Variants in ISLR2 observed in about 807,000 individuals in gnomAD.
The protein encoded by ISLR2 is immunoglobulin superfamily containing leucine rich repeat 2.
Under a neutral mutation model 25.5 loss-of-function variants are expected in ISLR2, and 16 were observed. That is an observed-to-expected ratio of 0.63 (90% CI 0.43 to 0.95). The LOEUF (loss-of-function observed/expected upper bound fraction) is 0.95, where lower values mean the gene tolerates loss of function less well. ISLR2 is among the 40% of genes least tolerant of loss of function. The probability of loss-of-function intolerance (pLI) is 0.00; values close to 1 mark genes in which losing one functional copy is unlikely to be tolerated. For synonymous variants in ISLR2, 508 were observed against 486.6 expected (o/e 1.04, Z -0.58); for missense variants, 883 against 1,030.7 (o/e 0.86, Z 1.96).
chr15:74,136,460 G>T lies in ISLR2; in HGVS notation c.*1468G>T, dbSNP rs890238556. The T allele has an allele frequency of 1.8e-5, 3 of 165,718 alleles. No homozygotes were observed. The highest frequency in any genetic ancestry group is 4.4e-5 in the Non-Finnish European group (3 of 68,180). The allele number at this position is 165,718 out of a possible 1,614,324, so 10.3% of individuals were successfully genotyped here. A position where few individuals can be genotyped will look rare whatever the true frequency, so the allele number is the denominator to read the frequency against. ...CCGCCCCACCCGCCCCTGCTTCGGC[G>T]GGAATCGTGTTTGCCCGGCGTGTAG... On this transcript the variant is annotated 3_prime_UTR_variant, in exon 3 of 3. Transcript: ENST00000453268.
Position 74,133,256 on chromosome 15 carries a change from G to A in ISLR2, c.502G>A (p.Asp168Asn), listed in dbSNP as rs368024378. The change falls in exon 3 of 3, where the codon GAC becomes AAC. Residue 168 changes from aspartate to asparagine, a missense_variant. By Grantham distance (23) the Asp-to-Asn change is conservative. Transcript: ENST00000453268. The part of the protein sequence containing the change: ...RLRTLAPGTF[D>N]ALSALSHLQL... ...GCGTACGCTGGCGCCTGGCACCTTC[G>A]ACGCGCTTAGCGCGCTGTCACACTT... is the stretch of plus-strand genomic sequence containing the variant. 1.2e-6 allele frequency: 2 copies of A among 1,611,624 alleles called. No homozygotes were observed. Among genetic ancestry groups the A allele is most frequent in the East Asian group, 2.2e-5 (1 of 44,890 alleles).
At chr15:74,138,063 C>T (rs763702322), downstream of ISLR2, among the ~76,000 whole-genome samples, 23 of 152,014 alleles carry the variant, frequency 1.5e-4, no homozygotes, top group Non-Finnish European at 3.1e-4. Flanking sequence ...TGCTTTGTTC[C>T]CTGATCCTTT....
rs1323314390 is a variant in ISLR2, at chr15:74,134,546, G to A, written c.1792G>A (p.Val598Ile). 4 of 1,614,020 alleles carry A rather than the reference G, an allele frequency of 2.5e-6. No individual in the cohort carries two copies. The highest frequency in any genetic ancestry group is 3.3e-5 in the Admixed American group (2 of 60,016). ...GCTGCTGGTCATAGTGGCAGTGAGC[G>A]TATTCCTCCTGGTGCTGGCCACAGT... is the stretch of plus-strand genomic sequence containing the variant. Reference protein sequence around the residue: ...PSLLVIVAVSVFLLVLATVPL... With the variant: ...PSLLVIVAVSIFLLVLATVPL... Residue 598 changes from valine (V) to isoleucine (I), a missense_variant, in exon 3 of 3, where the codon GTA (valine) becomes ATA (isoleucine). Physicochemically the swap from Val to Ile is conservative, Grantham distance 29 (BLOSUM62 3). Coordinates refer to ENST00000453268, the MANE Select transcript of ISLR2 (RefSeq NM_020851.3).
intron 2 of ISLR2, among the ~76,000 whole-genome samples, chr15:74,111,698 G>A (rs892837735): frequency 3.9e-5 from 6 of 151,932 alleles, no homozygotes; most frequent in Admixed American, 1.3e-4. Flanking sequence ...CAGCCTCCAC[G>A]TAGCTGGAAC....
At chr15:74,141,536 C>A (rs1024600598), downstream of ISLR2, among the ~76,000 whole-genome samples, 3 of 152,166 alleles carry the variant, frequency 2.0e-5, no homozygotes, top group Non-Finnish European at 1.5e-5. Context: ...TGCTAATAGT[C>A]ACCACCTAAT....
At chr15:74,125,117 C>T (rs1483280984), upstream of ISLR2, among the ~76,000 whole-genome samples, 1 of 152,230 alleles carries the variant, frequency 6.6e-6, no homozygotes, top group African/African-American at 2.4e-5. Flanking sequence ...GAGGAGCTGG[C>T]TGCCTCAGAA....
At chr15:74,122,550 G>C (rs768004453) in intron 2 of ISLR2, among the ~76,000 whole-genome samples, 2 of 152,186 alleles carry the variant, frequency 1.3e-5, no homozygotes, top group Non-Finnish European at 2.9e-5. Flanking sequence ...TCACACCTTT[G>C]CTTAGCTTCT....
intron 2 of ISLR2, among the ~76,000 whole-genome samples, chr15:74,112,220 C>G (rs2072173704): frequency 6.6e-6 from 1 of 152,238 alleles, no homozygotes; most frequent in South Asian, 2.1e-4. Context: ...CCTGGCCAGG[C>G]CGTGTCCTAG....
upstream of ISLR2, among the ~76,000 whole-genome samples, chr15:74,124,906 A>G (rs1232400164): frequency 6.6e-6 from 1 of 152,210 alleles, no homozygotes; most frequent in East Asian, 1.9e-4. Flanking sequence ...AGAACTTGCA[A>G]CTGCTGATGT....
chr15:74,131,948 T>C (rs1027970289), intron 2 of ISLR2: 7 of 152,288 alleles, frequency 4.6e-5, no homozygotes, highest in African/African-American at 1.7e-4. Flanking sequence ...CTATTGCTTC[T>C]CTGCTGGGTT....
At chr15:74,141,637 T>C (rs925961522), downstream of ISLR2, among the ~76,000 whole-genome samples, 3 of 152,236 alleles carry the variant, frequency 2.0e-5, no homozygotes, top group Non-Finnish European at 4.4e-5. Context: ...TTACAAGCAT[T>C]ATTTTGTCAT....
At chr15:74,127,908 T>G (rs2072320204), upstream of ISLR2, 7 of 154,358 alleles carry the variant, frequency 4.5e-5, no homozygotes, top group Admixed American at 4.6e-4. Flanking sequence ...GGCTCCAGCC[T>G]GGTTAGAAGC....
chr15:74,116,030 C>G (rs187872818), intron 2 of ISLR2, among the ~76,000 whole-genome samples: 228 of 149,976 alleles, frequency 1.5e-3, no homozygotes, highest in Non-Finnish European at 2.4e-3. Flanking sequence ...AGACCTATCT[C>G]TATAAATAAT....
Position 74,120,035 on chromosome 15 carries a change from G to A in ISLR2, n.229-11172G>A, listed in dbSNP as rs1021793742. Reference sequence around the variant, plus strand: ...AAGGGAATAAAGAGGAACATGCATAGAGCTCTCCATTTAGATTGACATATT... The same window carrying A: ...AAGGGAATAAAGAGGAACATGCATAAAGCTCTCCATTTAGATTGACATATT... On this transcript the variant is annotated intron_variant and non_coding_transcript_variant, in intron 2 of 3. Coordinates refer to the ISLR2 transcript ENST00000561975. Among the ~76,000 whole-genome samples, 7 of 152,272 alleles carry A rather than the reference G, an allele frequency of 4.6e-5. 2 individuals carry two copies. The highest frequency in any genetic ancestry group is 1.3e-4 in the Admixed American group (2 of 15,296).
downstream of ISLR2, chr15:74,138,288 C>CTTTTTTTTTTTTTTTTTTTTTTTTT: frequency 1.1e-5 from 1 of 91,672 alleles, no homozygotes; most frequent in South Asian, 4.0e-4. Flanking sequence ...TTTCTTTTCT[C>CTTTTTTTTTTTTTTTTTTTTTTTTT]TTTTTTTTTT....
At chr15:74,112,828 C>CTTTTTT (rs35655801) in intron 2 of ISLR2, among the ~76,000 whole-genome samples, 1 of 130,532 alleles carries the variant, frequency 7.7e-6, no homozygotes, top group Non-Finnish European at 1.6e-5. Context: ...GTGCCCGGCC[C>CTTTTTT]TTTTTTTTTT....
rs749441075 is a variant in ISLR2 at position 74,134,656 on chromosome 15, T to C, written c.1902T>C (p.Pro634=). The C allele has an allele frequency of 5.3e-5, 86 of 1,614,120 alleles. No homozygotes were observed. Among genetic ancestry groups the C allele is most frequent in the Non-Finnish European group, 7.3e-5 (86 of 1,180,014 alleles). Residue 634 remains proline (P), a synonymous_variant, in exon 3 of 3, where the codon CCT becomes CCC. Coordinates refer to ENST00000453268, the MANE Select transcript of ISLR2 (RefSeq NM_020851.3). ...PYRLILRPQA[P]DPMEKRIAAD... is the part of the protein sequence containing the mutation. ...GTCTGATCCTGCGGCCTCAGGCCCC[T>C]GACCCTATGGAGAAGCGCATCGCCG...
intron 1 of ISLR2, among the ~76,000 whole-genome samples, chr15:74,130,855 C>T (rs1401987096): frequency 6.6e-6 from 1 of 151,730 alleles, no homozygotes; most frequent in Non-Finnish European, 1.5e-5. Flanking sequence ...TGATCAGGGA[C>T]AGTAACAATG....
chr15:74,130,279 G>C (rs548750020), upstream of ISLR2: 1 of 152,202 alleles, frequency 6.6e-6, no homozygotes, highest in South Asian at 2.1e-4. Flanking sequence ...AAAAATGGTA[G>C]GGAGGGTGCG....
Sources: allele counts gnomAD v4.1 joint callset (sites outside exome capture counted in the v4.1 genomes callset), GRCh38; gene constraint gnomAD v4.1.1; transcripts MANE v1.5; gene names NCBI Gene and HGNC (gene_info 2026-07-23, HGNC 2026-07-21).